Variants in RADX observed in about 807,000 individuals in gnomAD.
The protein encoded by RADX is RPA1 related single stranded DNA binding protein, X-linked, also known as RPA-related protein RADX.
Under a neutral mutation model 61.6 loss-of-function variants are expected in RADX, and 36 were observed. That is an observed-to-expected ratio of 0.58 (90% CI 0.45 to 0.77). The LOEUF is 0.77. RADX is among the 30% of genes least tolerant of loss of function. The pLI is 0.00. For missense variants in RADX, 497 were observed against 651.1 expected, an observed-to-expected ratio of 0.76 and a Z score of 2.58; for synonymous variants, 272 against 237.9, an observed-to-expected ratio of 1.14 and a Z score of -1.32.
intron 11 of RADX, among the ~76,000 whole-genome samples, chrX:106,657,522 T>C (rs1305447194): frequency 8.9e-6 from 1 of 112,443 alleles, no homozygotes; most frequent in Non-Finnish European, 1.9e-5. Context: ...CTATCTTGTT[T>C]TTTAACATGC....
chrX:106,612,220 A>T lies in RADX; in HGVS notation c.140A>T (p.Gln47Leu), dbSNP rs747057484. ...TCCCAAGGGCCCAGGTCCTGGATCC[A>T]AAAGGTTCTTGAGCAGATTATGGAC... ...AGSQGPRSWIQKVLEQIMDSP... is the reference protein window; with the variant it reads ...AGSQGPRSWILKVLEQIMDSP... Residue 47 changes from glutamine (Q) to leucine (L), a missense_variant, in exon 1 of 14, where the codon CAA becomes CTA. Gln to Leu is a moderately radical substitution (Grantham distance 113). This residue lies in a region of RADX where 196 missense variants were observed against 315.0 expected (regional missense o/e 0.62). Coordinates refer to ENST00000372548, the MANE Select transcript of RADX (RefSeq NM_018015.6). The T allele has an allele frequency of 4.1e-6, 5 of 1,209,543 alleles. No individual in the cohort carries two copies. The highest frequency in any genetic ancestry group is 1.8e-5 in the African/African-American group (1 of 56,975).
Position 106,632,706 on chromosome X carries a change from C to A in RADX, c.1061C>A (p.Pro354Gln). ...CAGGTGAAACCAGAATGGAGACTGC[C>A]AAAGCTAAATCACCGATTTACCACA... ...EKQVKPEWRL[P>Q]KLNHRFTTRS... Residue 354 changes from proline to glutamine, a missense_variant, in exon 4 of 14, where the codon CCA becomes CAA. Physicochemically the swap from Pro to Gln is moderately conservative, Grantham distance 76. Around this residue, in one of 3 missense-constraint regions of RADX, gnomAD observed 196 missense variants for 315.0 expected, o/e 0.62. Transcript: ENST00000372548. 1 of 1,179,608 alleles carries A rather than the reference C, an allele frequency of 8.5e-7. No homozygotes were observed. Among genetic ancestry groups the A allele is most frequent in the Non-Finnish European group, 1.1e-6 (1 of 869,602 alleles).
Position 106,636,550 on chromosome X carries a change from T to C in RADX, c.1311T>C (p.Tyr437=), listed in dbSNP as rs1927364020. The change falls in exon 7 of 14, where the codon TAT becomes TAC. Residue 437 remains tyrosine (Y), a synonymous_variant. Transcript: ENST00000372548. ...AGTGTTTTTGTTCTCTAGTGGCATA[T>C]TTTGTGTGTACACAGTTGAAAGTTG... is the stretch of plus-strand genomic sequence containing the variant. ...EIFENIYPMA[Y]FVCTQLKVVR... is the part of the protein sequence containing the mutation. 1 of 1,175,474 alleles carries C rather than the reference T, an allele frequency of 8.5e-7. No homozygotes were observed. Among genetic ancestry groups the C allele is most frequent in the Admixed American group, 2.2e-5 (1 of 44,804 alleles).
At chrX:106,612,824 A>G in intron 1 of RADX, 101 bp downstream of exon 1, 1 of 882,113 alleles carries the variant, frequency 1.1e-6, no homozygotes, top group Non-Finnish European at 1.6e-6. Flanking sequence ...ATTGTTAATT[A>G]CAAGCCAGGA....
chrX:106,635,067 G>C (rs1927329904), intron 6 of RADX, among the ~76,000 whole-genome samples: 1 of 111,499 alleles, frequency 9.0e-6, no homozygotes, highest in African/African-American at 3.3e-5. Context: ...AGTATTAAGG[G>C]GGCTTCAGGC....
intron 1 of RADX, among the ~76,000 whole-genome samples, chrX:106,618,634 A>G (rs1926868588): frequency 9.0e-6 from 1 of 110,587 alleles, no homozygotes; most frequent in Non-Finnish European, 1.9e-5. Flanking sequence ...GCGAAACCCC[A>G]TCTTTAATAA....
chrX:106,676,740 G>A (rs927208599), intron 13 of RADX, among the ~76,000 whole-genome samples: 2 of 111,739 alleles, frequency 1.8e-5, no homozygotes, highest in Middle Eastern at 4.2e-3. Context: ...ACCTGGAGTG[G>A]TGGCACTCCT....
Position 106,669,226 on chromosome X carries a change from G to A in RADX, c.2333G>A (p.Arg778Gln), listed in dbSNP as rs755021752. Residue 778 changes from arginine to glutamine, a missense_variant, in exon 13 of 14, where the codon CGA (arginine) becomes CAA (glutamine). Physicochemically the swap from Arg to Gln is conservative, Grantham distance 43. Transcript: ENST00000372548. ...FLPMYCPEDI[R>Q]TSQIDTLLTS... ...CCCATGTATTGTCCAGAAGATATTC[G>A]AACATCTCAAATAGACACACTGTTG... 5.0e-6 allele frequency: 6 copies of A among 1,197,141 alleles called. No individual in the cohort carries two copies. In the South Asian group the frequency reaches 5.3e-5, roughly 11 times the overall value.
At position 106,648,386 on chromosome X, in the gene RADX, C is replaced by T. The variant is rs767297602; in HGVS notation, c.1978C>T (p.Arg660Cys). ...IKPGMPSIFNRRANINANLQG... is the reference protein window; with the variant it reads ...IKPGMPSIFNCRANINANLQG... ...ACCGGGCATGCCAAGCATCTTCAAC[C>T]GTATGTTACTATTTGTTATTATTAT... Residue 660 changes from arginine to cysteine, a missense_variant and splice_region_variant, in exon 11 of 14, where the codon CGT becomes TGT. Arg to Cys is a radical substitution (Grantham distance 180). This residue lies in a region of RADX where 267 missense variants were observed against 306.9 expected (regional missense o/e 0.87). Transcript: ENST00000372548. The T allele has an allele frequency of 9.6e-6, 11 of 1,145,455 alleles. No homozygotes were observed. The highest frequency in any genetic ancestry group is 9.3e-5 in the South Asian group (5 of 53,522). The allele number at this position is 1,145,455 out of a possible 1,213,427, so 94.4% of individuals were successfully genotyped here.
chrX:106,663,562 G>C (rs974821027), intron 12 of RADX, among the ~76,000 whole-genome samples: 4 of 111,669 alleles, frequency 3.6e-5, no homozygotes, highest in Non-Finnish European at 7.5e-5. Context: ...TTTTGTAGCA[G>C]AATAAGGTGA....
intron 11 of RADX, among the ~76,000 whole-genome samples, chrX:106,654,741 A>G (rs1043658016): frequency 8.9e-6 from 1 of 112,077 alleles, no homozygotes; most frequent in African/African-American, 3.2e-5. Flanking sequence ...ACAAAAGCCA[A>G]AATTGACAAA....
intron 2 of RADX, among the ~76,000 whole-genome samples, chrX:106,623,799 C>A (rs1443145668): frequency 1.8e-5 from 2 of 111,475 alleles, no homozygotes; most frequent in African/African-American, 6.5e-5. Flanking sequence ...TAAATATTTT[C>A]TCATATCACT....
At position 106,637,768 on chromosome X, in the gene RADX, G is replaced by A; in HGVS notation, c.1417G>A (p.Gly473Ser). The A allele has an allele frequency of 8.4e-7, 1 of 1,190,129 alleles. No homozygotes were observed. Among genetic ancestry groups the A allele is most frequent in the Non-Finnish European group, 1.1e-6 (1 of 884,393 alleles). The part of the protein sequence containing the change: ...ESGVFITGHR[G>S]QPYTYDAKVK... ...ACCCTTCCCGCGAGGAGGTCATAGA[G>A]GCCAGCCGTATACGTATGATGCCAA... Residue 473 changes from glycine to serine, a missense_variant, in exon 8 of 14, where the codon GGC becomes AGC. Coordinates refer to ENST00000372548, the MANE Select transcript of RADX (RefSeq NM_018015.6).
chrX:106,648,270 C>A, intron 10 of RADX, 43 bp from the exon 11 acceptor site: 1 of 834,496 alleles, frequency 1.2e-6, no homozygotes, highest in Non-Finnish European at 1.7e-6. Context: ...TCATTTGAGA[C>A]TCTTTTTATA....
chrX:106,621,853 G>A (rs964676859), intron 1 of RADX, among the ~76,000 whole-genome samples: 2 of 110,223 alleles, frequency 1.8e-5, no homozygotes, highest in Middle Eastern at 4.3e-3. Flanking sequence ...TCATGTTTGC[G>A]GGAGATAGAA....
chrX:106,648,330 C>G lies in RADX; in HGVS notation c.1922C>G (p.Pro641Arg), dbSNP rs137926336. The change falls in exon 11 of 14, where the codon CCA (proline) becomes CGA (arginine). Residue 641 changes from proline to arginine, a missense_variant. By Grantham distance (103) the Pro-to-Arg change is moderately radical. Transcript: ENST00000372548. ...PHANPVAVPQ[P>R]GASVQTKGIK... ...CTTTATAGAGTTGCTGTACCTCAACCAGGAGCTTCTGTACAAACAAAGGGA... is the reference window on the plus strand; with the variant it reads ...CTTTATAGAGTTGCTGTACCTCAACGAGGAGCTTCTGTACAAACAAAGGGA... 8 of 1,192,228 alleles carry G rather than the reference C, an allele frequency of 6.7e-6. No individual in the cohort carries two copies. The African/African-American group carries it at 1.4e-4, about 21-fold the overall frequency.
chrX:106,649,543 A>G (rs1365429414), intron 11 of RADX, among the ~76,000 whole-genome samples: 1 of 111,806 alleles, frequency 8.9e-6, no homozygotes. Flanking sequence ...ACAATTATAT[A>G]ATAGTAGTAC....
At chrX:106,667,195 A>T (rs1928249702) in intron 12 of RADX, among the ~76,000 whole-genome samples, 1 of 111,791 alleles carries the variant, frequency 8.9e-6, no homozygotes, top group African/African-American at 3.3e-5. Context: ...CATTTCAGAA[A>T]CTTGGGGGAG....
In RADX at chrX:106,662,191, A is replaced by G. The variant is rs145336776; in HGVS notation, c.2155A>G (p.Ser719Gly). The G allele has an allele frequency of 2.1e-5, 25 of 1,208,663 alleles. No individual in the cohort carries two copies. Among genetic ancestry groups the G allele is most frequent in the South Asian group, 8.8e-5 (5 of 56,743 alleles). ...TATGTTTGAACACAGAAAGTTTCTT[A>G]GTGACCAGTATAATTCTCAGCCTGC... ...KFMFEHRKFL[S>G]DQYNSQPAKY... Residue 719 changes from serine to glycine, a missense_variant, in exon 12 of 14, where the codon AGT becomes GGT. Around this residue, in one of 3 missense-constraint regions of RADX, gnomAD observed 267 missense variants for 306.9 expected, o/e 0.87. Transcript: ENST00000372548.
Sources: allele counts gnomAD v4.1 joint callset (sites outside exome capture counted in the v4.1 genomes callset), GRCh38; gene constraint gnomAD v4.1.1; regional missense constraint gnomAD v4.1.1; transcripts MANE v1.5; gene names NCBI Gene and HGNC (gene_info 2026-07-23, HGNC 2026-07-21).